The following OSTN variants were observed in gnomAD, a reference collection of about 807,000 sequenced individuals.
OSTN encodes the protein osteocrin.
OSTN carries 9 observed loss-of-function variants against 12.0 expected under a neutral mutation model. The observed-to-expected ratio is 0.75, with a 90% confidence interval of 0.45 to 1.30. The LOEUF is 1.30. Ranked by LOEUF, OSTN falls within the 50% of genes most tolerant of loss-of-function variation. The pLI, the probability that OSTN is intolerant of heterozygous loss-of-function variation, is 0.00. For missense variants in OSTN, 148 were observed against 152.3 expected, an observed-to-expected ratio of 0.97 and a Z score of 0.15; for synonymous variants, 59 against 56.9, an observed-to-expected ratio of 1.04 and a Z score of -0.16.
At chr3:191,237,531 C>T (rs1005284829) in intron 3 of OSTN, among the ~76,000 whole-genome samples, 4 of 152,166 alleles carry the variant, frequency 2.6e-5, no homozygotes, top group African/African-American at 9.7e-5. Flanking sequence ...AGGTCAAGTG[C>T]CCCATTTGAC....
chr3:191,200,580 C>T (rs1281617098), intron 1 of OSTN, among the ~76,000 whole-genome samples: 1 of 152,054 alleles, frequency 6.6e-6, no homozygotes, highest in African/African-American at 2.4e-5. Flanking sequence ...CTATAATCCA[C>T]CTATACAACT....
intron 3 of OSTN, among the ~76,000 whole-genome samples, chr3:191,226,184 T>G (rs1174048785): frequency 1.3e-5 from 2 of 152,080 alleles, no homozygotes; most frequent in Non-Finnish European, 2.9e-5. Context: ...AAAAATATAA[T>G]GCATCTTGAC....
Position 191,265,433 on chromosome 3 carries a change from C to T in OSTN, c.*2580C>T, listed in dbSNP as rs1324388627. On this transcript the variant is annotated 3_prime_UTR_variant, in exon 5 of 5. Coordinates refer to ENST00000682035, the MANE Select transcript of OSTN (RefSeq NM_198184.2). ...ATGTCTGTCAAGTTGTACCTTTAAC[C>T]TGTTCATAGCTTTAGGGAATTAAGT... is the stretch of plus-strand genomic sequence containing the variant. 1.3e-5 allele frequency: 2 copies of T among 152,142 alleles called. No individual in the cohort carries two copies. The highest frequency in any genetic ancestry group is 2.9e-5 in the Non-Finnish European group (2 of 68,006). 9.4% of individuals were successfully genotyped at this position (152,142 alleles called of 1,614,324 possible). A position where few individuals can be genotyped will look rare whatever the true frequency, so the allele number is the denominator to read the frequency against.
intron 2 of OSTN, among the ~76,000 whole-genome samples, chr3:191,213,796 TA>T (rs1336572190): frequency 2.6e-5 from 4 of 151,908 alleles, no homozygotes; most frequent in Non-Finnish European, 5.9e-5. Flanking sequence ...GGATGTTTCT[TA>T]AAAAAACGAT....
In OSTN at chr3:191,257,864, A is replaced by G. The variant is rs531330075; in HGVS notation, c.*13-5002A>G. ...TTTATTTTTAAATTAATGTGGTACCATGTGTAGACAATATTAAACATGTAT... is the reference window on the plus strand; with the variant it reads ...TTTATTTTTAAATTAATGTGGTACCGTGTGTAGACAATATTAAACATGTAT... On this transcript the variant is annotated intron_variant, in intron 4 of 4. Coordinates refer to ENST00000682035, the MANE Select transcript of OSTN (RefSeq NM_198184.2). Among the ~76,000 whole-genome samples the G allele has an allele frequency of 2.2e-4, 34 of 152,238 alleles. 1 individual carries two copies. Among genetic ancestry groups the G allele is most frequent in the Non-Finnish European group, 4.6e-4 (31 of 68,038 alleles).
At chr3:191,255,587 G>A (rs1291879844) in intron 4 of OSTN, among the ~76,000 whole-genome samples, 6 of 152,044 alleles carry the variant, frequency 3.9e-5, no homozygotes, top group Non-Finnish European at 8.8e-5. Flanking sequence ...TATATTCCTA[G>A]AAACTAAAAA....
intron 1 of OSTN, among the ~76,000 whole-genome samples, chr3:191,204,475 G>A (rs1409514669): frequency 1.3e-5 from 2 of 152,044 alleles, no homozygotes; most frequent in Admixed American, 6.6e-5. Context: ...TTTAAATCTC[G>A]AATTTGAGTT....
At chr3:191,253,769 G>C (rs1715614058) in intron 4 of OSTN, among the ~76,000 whole-genome samples, 2 of 152,220 alleles carry the variant, frequency 1.3e-5, no homozygotes, top group African/African-American at 4.8e-5. Context: ...AGGGCTGGTT[G>C]CATTAATGCA....
At chr3:191,242,687 C>A (rs1056298991) in intron 3 of OSTN, among the ~76,000 whole-genome samples, 1 of 151,976 alleles carries the variant, frequency 6.6e-6, no homozygotes, top group African/African-American at 2.4e-5. Context: ...AGCCACTGTG[C>A]CTTGCAAAAA....
At chr3:191,251,322 A>G (rs1277702880) in intron 4 of OSTN, among the ~76,000 whole-genome samples, 4 of 152,178 alleles carry the variant, frequency 2.6e-5, no homozygotes, top group Non-Finnish European at 5.9e-5. Context: ...TGTTTTTTGA[A>G]GGTGAAATCT....
At position 191,263,882 on chromosome 3, in the gene OSTN, A is replaced by G. The variant is rs750268835; in HGVS notation, c.*1029A>G. ...ATTGTAGAAAACTCAGTTCTCAGTA[A>G]TAACTATGATGTTACTGTAGCTTGG... On this transcript the variant is annotated 3_prime_UTR_variant, in exon 5 of 5. Transcript: ENST00000682035. The G allele has an allele frequency of 3.9e-5, 6 of 152,160 alleles. No homozygotes were observed. The highest frequency in any genetic ancestry group is 7.4e-5 in the Non-Finnish European group (5 of 67,992). The allele number at this position is 152,160 out of a possible 1,614,324, so 9.4% of individuals were successfully genotyped here.
chr3:191,252,574 G>A (rs568049283), intron 4 of OSTN, among the ~76,000 whole-genome samples: 1 of 152,212 alleles, frequency 6.6e-6, no homozygotes, highest in African/African-American at 2.4e-5. Context: ...CAAAAGAATC[G>A]ATTTAGAAAA....
chr3:191,207,389 T>A (rs1415235164), intron 1 of OSTN, among the ~76,000 whole-genome samples: 1 of 51,496 alleles, frequency 1.9e-5, no homozygotes, highest in African/African-American at 1.3e-4. Flanking sequence ...CCTGAGTTGT[T>A]TTTTTTTTGT....
chr3:191,252,767 A>AT (rs564533428), intron 4 of OSTN, among the ~76,000 whole-genome samples: 183 of 152,340 alleles, frequency 1.2e-3, no homozygotes, highest in African/African-American at 4.1e-3. Context: ...AGATGATAAT[A>AT]TATTTCTAAT....
In OSTN at chr3:191,218,742, T is replaced by C; in HGVS notation, c.103-5T>C. 1.9e-6 allele frequency: 3 copies of C among 1,612,788 alleles called. No homozygotes were observed. The highest frequency in any genetic ancestry group is 2.5e-6 in the Non-Finnish European group (3 of 1,179,010). On this transcript the variant is annotated splice_polypyrimidine_tract_variant and splice_region_variant and intron_variant, in intron 2 of 4. Transcript: ENST00000682035. ...TTAACGGAATCGCCTTTCTCTGCCT[T>C]ATAGGCCTTTGATTCTGGAGTCATA...
intron 2 of OSTN, among the ~76,000 whole-genome samples, chr3:191,217,967 G>T (rs918753292): frequency 2.6e-5 from 4 of 151,902 alleles, no homozygotes; most frequent in African/African-American, 9.7e-5. Flanking sequence ...TCAGAAATTT[G>T]TTGAATACTA....
intron 4 of OSTN, among the ~76,000 whole-genome samples, chr3:191,252,594 A>G (rs1439341797): frequency 6.6e-6 from 1 of 152,208 alleles, no homozygotes; most frequent in Non-Finnish European, 1.5e-5. Context: ...AGAATTTATC[A>G]TATATTTGCT....
chr3:191,204,338 C>T (rs945919576), intron 1 of OSTN, among the ~76,000 whole-genome samples: 1 of 152,058 alleles, frequency 6.6e-6, no homozygotes, highest in African/African-American at 2.4e-5. Context: ...AAATAAATGG[C>T]TATGCACCAC....
chr3:191,239,011 G>T (rs1332484608), intron 3 of OSTN, among the ~76,000 whole-genome samples: 2 of 152,148 alleles, frequency 1.3e-5, no homozygotes, highest in African/African-American at 4.8e-5. Flanking sequence ...GCTTCTCAAG[G>T]TTCATGAGCC....
Sources: gnomAD v4.1 joint callset for allele counts (sites outside exome capture counted in the v4.1 genomes callset) on GRCh38, gnomAD v4.1.1 for gene constraint, MANE v1.5 for transcripts, NCBI Gene and HGNC (gene_info 2026-07-23, HGNC 2026-07-21) for gene names.